Variants in LUM observed in about 807,000 individuals in gnomAD.
LUM encodes the protein KSPG lumican.
A neutral mutation model predicts 20.5 loss-of-function variants in LUM; 13 were observed. That is an observed-to-expected ratio of 0.63 (90% CI 0.41 to 1.01). The LOEUF (loss-of-function observed/expected upper bound fraction) is 1.01, where lower values mean the gene tolerates loss of function less well. LUM is among the 50% of genes least tolerant of loss of function. LUM has a pLI of 0.00. For missense variants in LUM, 321 were observed against 391.1 expected, an observed-to-expected ratio of 0.82 and a Z score of 1.51; for synonymous variants, 173 against 151.5, an observed-to-expected ratio of 1.14 and a Z score of -1.04.
At chr12:91,107,007 A>C (rs1057413148) in intron 2 of LUM, among the ~76,000 whole-genome samples, 4 of 151,688 alleles carry the variant, frequency 2.6e-5, no homozygotes, top group Admixed American at 6.6e-5. Flanking sequence ...CCCCATCTCT[A>C]CTAAAAACAT....
chr12:91,108,114 T>C lies in LUM; in HGVS notation c.862+4A>G, dbSNP rs776985085. The C allele has an allele frequency of 3.1e-6, 5 of 1,613,882 alleles. No homozygotes were observed. Among genetic ancestry groups the C allele is most frequent in the Non-Finnish European group, 4.2e-6 (5 of 1,179,944 alleles). On this transcript the variant is annotated splice_donor_region_variant and intron_variant, in intron 2 of 2. Coordinates refer to ENST00000266718, the MANE Select transcript of LUM (RefSeq NM_002345.4). This position sits in a 1 kb window ranked among gnomAD's most constrained non-coding sequence, Gnocchi z 4.2. ...ATCAAACACAGGAACAGCTTTTTAC[T>C]TACTCTCAAGTTGATTGACCTCCAG...
Position 91,111,412 on chromosome 12 carries a change from A to G in LUM, c.-36T>C, listed in dbSNP as rs1880200490. On this transcript the variant is annotated 5_prime_UTR_variant, in exon 1 of 3. Coordinates refer to ENST00000266718, the MANE Select transcript of LUM (RefSeq NM_002345.4). ...ACAGCACTTACCTTACTGTCTTGACACTGCTTTCGTTAATTCTTAAAGCAG... is the reference window on the plus strand; with the variant it reads ...ACAGCACTTACCTTACTGTCTTGACGCTGCTTTCGTTAATTCTTAAAGCAG... 6.6e-6 allele frequency: 1 copy of G among 151,952 alleles called. No homozygotes were observed. The allele number at this position is 151,952 out of a possible 1,614,324, so 9.4% of individuals were successfully genotyped here.
At chr12:91,107,305 GAAAGAAAGAAAGAA>G (rs1880093397) in intron 2 of LUM, among the ~76,000 whole-genome samples, 1 of 112,868 alleles carries the variant, frequency 8.9e-6, no homozygotes, top group African/African-American at 3.6e-5. Context: ...AAGAAAGAAA[GAAAGAAAGAAAGAA>G]AGAAAGAAAG....
intron 2 of LUM, among the ~76,000 whole-genome samples, chr12:91,104,783 A>C (rs1487042272): frequency 6.6e-6 from 1 of 152,218 alleles, no homozygotes; most frequent in East Asian, 1.9e-4. Context: ...ACATACCATG[A>C]CCATGATAAA....
intron 2 of LUM, among the ~76,000 whole-genome samples, chr12:91,107,236 A>G (rs1880066874): frequency 1.3e-3 from 66 of 50,196 alleles, no homozygotes; most frequent in African/African-American, 2.5e-3. Context: ...GAAAGAAAGA[A>G]AGGAAAGAAA....
chr12:91,105,906 G>A (rs767790156), intron 2 of LUM, among the ~76,000 whole-genome samples: 3 of 152,162 alleles, frequency 2.0e-5, no homozygotes, highest in Admixed American at 2.0e-4. Context: ...AATGTACTCC[G>A]TCATCCCTTA....
chr12:91,109,089 A>G, intron 1 of LUM, 89 bp from the exon 2 acceptor site: 1 of 985,738 alleles, frequency 1.0e-6, no homozygotes, highest in Non-Finnish European at 1.5e-6. Flanking sequence ...TCATTAGAAA[A>G]TGTGCATTTT....
Position 91,107,575 on chromosome 12 carries a change from G to A in LUM, c.862+543C>T, listed in dbSNP as rs530257477. 4.7e-4 allele frequency among the ~76,000 whole-genome samples: 71 copies of A among 152,166 alleles called. 1 individual carries two copies. Among genetic ancestry groups the A allele is most frequent in the African/African-American group, 1.6e-3 (68 of 41,508 alleles). On this transcript the variant is annotated intron_variant, in intron 2 of 2. Coordinates refer to ENST00000266718, the MANE Select transcript of LUM (RefSeq NM_002345.4). ...GTAACACAGCAGGATGAGTTGGCCCGGAATTTTTAGTTTGAAGACTTACAT... is the reference window on the plus strand; with the variant it reads ...GTAACACAGCAGGATGAGTTGGCCCAGAATTTTTAGTTTGAAGACTTACAT...
Position 91,108,955 on chromosome 12 carries a change from A to G in LUM, c.25T>C (p.Phe9Leu), listed in dbSNP as rs768276682. 1.2e-6 allele frequency: 2 copies of G among 1,613,760 alleles called. No individual in the cohort carries two copies. The highest frequency in any genetic ancestry group is 1.7e-6 in the Non-Finnish European group (2 of 1,179,784). The change falls in exon 2 of 3, where the codon TTC becomes CTC. Residue 9 changes from phenylalanine to leucine, a missense_variant. Physicochemically the swap from Phe to Leu is conservative, Grantham distance 22. Coordinates refer to ENST00000266718, the MANE Select transcript of LUM (RefSeq NM_002345.4). The surrounding 1 kb of genome is among the most constrained non-coding windows in gnomAD (Gnocchi z 4.2). ...CTGGTACCACCAATCAATGCCAGGA[A>G]GAGAGTAAATGCACTTAGACTCATT... MSLSAFTLFLALIGGTSGQ... is the reference protein window; with the variant it reads MSLSAFTLLLALIGGTSGQ...
intron 2 of LUM, among the ~76,000 whole-genome samples, 180 bp from the exon 3 acceptor site, chr12:91,104,499 C>T (rs1280982135): frequency 6.6e-6 from 1 of 151,990 alleles, no homozygotes; most frequent in Non-Finnish European, 1.5e-5. Context: ...CAAAATGGCA[C>T]AGTAACATTT....
At chr12:91,106,383 T>C (rs572022752) in intron 2 of LUM, among the ~76,000 whole-genome samples, 12 of 152,288 alleles carry the variant, frequency 7.9e-5, no homozygotes, top group African/African-American at 2.9e-4. Flanking sequence ...CTTGATTTTT[T>C]CATTTAGAAA....
chr12:91,104,238 C>A lies in LUM; in HGVS notation c.944G>T (p.Arg315Leu), dbSNP rs139919924. The A allele has an allele frequency of 6.2e-7, 1 of 1,612,330 alleles. No homozygotes were observed. The highest frequency in any genetic ancestry group is 8.5e-7 in the Non-Finnish European group (1 of 1,178,784). ...KIKHLRLDGN[R>L]ISETSLPPDM... ...CGGTGGAAGACTGGTTTCTGAGATGCGATTGCCATCCAAACGCAAATGCTT... is the reference window on the plus strand; with the variant it reads ...CGGTGGAAGACTGGTTTCTGAGATGAGATTGCCATCCAAACGCAAATGCTT... The change falls in exon 3 of 3, where the codon CGC becomes CTC. Residue 315 changes from arginine (R) to leucine (L), a missense_variant. Coordinates refer to ENST00000266718, the MANE Select transcript of LUM (RefSeq NM_002345.4).
Position 91,108,314 on chromosome 12 carries a change from A to T in LUM, c.666T>A (p.Asp222Glu). ...ATGCATTAAAACGCTTGAAATACTC[A>T]TCAGGGATGTTGCTGATCTTATTGT... is the stretch of plus-strand genomic sequence containing the variant. ...LDNNKISNIP[D>E]EYFKRFNALQ... Residue 222 changes from aspartate (D) to glutamate (E), a missense_variant, in exon 2 of 3, where the codon GAT becomes GAA. Physicochemically the swap from Asp to Glu is conservative, Grantham distance 45. Coordinates refer to ENST00000266718, the MANE Select transcript of LUM (RefSeq NM_002345.4). The surrounding 1 kb of genome is among the most constrained non-coding windows in gnomAD (Gnocchi z 4.2). 6.2e-7 allele frequency: 1 copy of T among 1,614,194 alleles called. No homozygotes were observed. Among genetic ancestry groups the T allele is most frequent in the South Asian group, 1.1e-5 (1 of 91,086 alleles).
rs1565758462 is a variant in LUM, at chr12:91,107,297, GAAAGAAAGAAAGAAAGAAAGAAAGAA to G, written c.862+795_862+820del. ...AAAGAAAGAAAGAAAGAGAAAGAAAGAAAGAAAGAAAGAAAGAAAGAAAGAAAGAAAGAAAGAAAGAAAGAAAGGGA... is the reference window on the plus strand; with the variant it reads ...AAAGAAAGAAAGAAAGAGAAAGAAAGAGAAAGAAAGAAAGAAAGAAAGGGA... On this transcript the variant is annotated intron_variant, in intron 2 of 2. Coordinates refer to ENST00000266718, the MANE Select transcript of LUM (RefSeq NM_002345.4). Among the ~76,000 whole-genome samples, 30 of 104,434 alleles carry G rather than the reference GAAAGAAAGAAAGAAAGAAAGAAAGAA, an allele frequency of 2.9e-4. 2 individuals are homozygous for G. In the East Asian group the frequency reaches 4.0e-3, roughly 14 times the overall value. 68.5% of individuals were successfully genotyped at this position (104,434 alleles called of 152,430 possible). A position where few individuals can be genotyped will look rare whatever the true frequency, so the allele number is the denominator to read the frequency against.
At chr12:91,106,657 G>GA (rs1042816990) in intron 2 of LUM, among the ~76,000 whole-genome samples, 8 of 17,982 alleles carry the variant, frequency 4.4e-4, no homozygotes, top group Admixed American at 1.8e-3. Flanking sequence ...TTGTACCCAA[G>GA]AAAAAAAAAG....
chr12:91,107,189 G>C (rs915824660), intron 2 of LUM, among the ~76,000 whole-genome samples: 5 of 66,346 alleles, frequency 7.5e-5, no homozygotes, highest in African/African-American at 2.3e-4. Context: ...AAGAAAGAAA[G>C]AAGGAAAGAA....
intron 2 of LUM, 21 bp from the exon 3 acceptor site, chr12:91,104,340 A>T (rs1462761576): frequency 1.3e-6 from 2 of 1,582,090 alleles, no homozygotes; most frequent in African/African-American, 2.7e-5. Flanking sequence ...AAGAATAGAA[A>T]ACATTAATCA....
intron 2 of LUM, among the ~76,000 whole-genome samples, chr12:91,106,123 C>A (rs1880026046): frequency 6.6e-6 from 1 of 152,224 alleles, no homozygotes; most frequent in South Asian, 2.1e-4. Flanking sequence ...TCAGAAACAA[C>A]AAAGAACATG....
chr12:91,107,370 AAAG>A (rs1417169125), intron 2 of LUM, among the ~76,000 whole-genome samples: 3 of 151,098 alleles, frequency 2.0e-5, no homozygotes, highest in African/African-American at 7.3e-5. Context: ...GAAGAAAGAA[AAAG>A]AGAGAGAGAG....
Sources: allele counts gnomAD v4.1 joint callset (sites outside exome capture counted in the v4.1 genomes callset), GRCh38; gene constraint gnomAD v4.1.1; non-coding constraint Gnocchi (gnomAD v3.1); transcripts MANE v1.5; gene names NCBI Gene and HGNC (gene_info 2026-07-23, HGNC 2026-07-21).